The following HMCN1 variants were observed in gnomAD, a reference collection of about 807,000 sequenced individuals.
HMCN1 encodes hemicentin-1.
HMCN1 carries 321 observed loss-of-function variants against 625.9 expected under a neutral mutation model. The observed-to-expected ratio is 0.51, with a 90% CI of 0.47 to 0.56. The LOEUF is 0.56. Among genes scored for constraint, HMCN1 ranks in the 20% least tolerant of loss-of-function variants. The pLI, the probability that HMCN1 is intolerant of heterozygous loss-of-function variation, is 0.00. For missense variants in HMCN1, 6,588 were observed against 6,887.3 expected (o/e 0.96, Z 1.54); for synonymous variants, 2,425 against 2,417.6 (o/e 1.00, Z -0.09).
chr1:185,920,857 A>G (rs1212180576), intron 6 of HMCN1, among the ~76,000 whole-genome samples: 3 of 152,196 alleles, frequency 2.0e-5, no homozygotes, highest in Non-Finnish European at 4.4e-5. Context: ...CTGAGGAGCA[A>G]GGCAACTAAC....
At chr1:185,860,700 T>C (rs896716319) in intron 2 of HMCN1, among the ~76,000 whole-genome samples, 30 of 152,162 alleles carry the variant, frequency 2.0e-4, no homozygotes, top group African/African-American at 7.2e-4. Context: ...AAATAATTCA[T>C]TTTAGAGTAT....
At chr1:186,130,442 C>A in intron 84 of HMCN1, 65 bp from the exon 85 acceptor site, 1 of 1,510,696 alleles carries the variant, frequency 6.6e-7, no homozygotes, top group Non-Finnish European at 9.2e-7. Flanking sequence ...CCAAATAGGT[C>A]AAAGATCACA....
chr1:185,830,752 G>A (rs1335693163), intron 1 of HMCN1, among the ~76,000 whole-genome samples: 2 of 152,054 alleles, frequency 1.3e-5, no homozygotes, highest in East Asian at 1.9e-4. Context: ...GCCAGGCGTG[G>A]TGGTGTGTGC....
intron 69 of HMCN1, among the ~76,000 whole-genome samples, chr1:186,104,922 G>C (rs944235077): frequency 3.3e-5 from 5 of 152,164 alleles, no homozygotes; most frequent in African/African-American, 1.2e-4. Flanking sequence ...GTGACATTAG[G>C]AATAGCATGG....
At chr1:185,838,528 G>A (rs975164695) in intron 1 of HMCN1, among the ~76,000 whole-genome samples, 14 of 152,180 alleles carry the variant, frequency 9.2e-5, no homozygotes, top group Admixed American at 3.9e-4. Flanking sequence ...CTACTGAGTT[G>A]GGCCTGGGCA....
rs375772455 is a variant in HMCN1, at chr1:186,074,781, G to A, written c.8180G>A (p.Gly2727Glu). 1.6e-5 allele frequency: 25 copies of A among 1,612,864 alleles called. No individual in the cohort carries two copies. In the African/African-American group the frequency reaches 3.1e-4, roughly 20 times the overall value. Reference protein sequence around the residue: ...SDDHVNIAANGHTLQIKEAQI... With the variant: ...SDDHVNIAANEHTLQIKEAQI... The stretch of plus-strand genomic sequence containing the variant: ...GATCATGTTAATATTGCTGCGAATG[G>A]ACACACACTTCAAATAAAGGAGGCT... The change falls in exon 53 of 107, where the codon GGA becomes GAA. Residue 2727 changes from glycine to glutamate, a missense_variant. Gly to Glu is a moderately conservative substitution (Grantham distance 98, BLOSUM62 -2). Coordinates refer to ENST00000271588, the MANE Select transcript of HMCN1 (RefSeq NM_031935.3).
chr1:185,887,913 C>T (rs1392254979), intron 4 of HMCN1, among the ~76,000 whole-genome samples: 2 of 143,800 alleles, frequency 1.4e-5, no homozygotes, highest in African/African-American at 2.6e-5. Flanking sequence ...AACTAGTTTA[C>T]AGTCCCAGCA....
Position 186,093,642 on chromosome 1 carries a change from G to A in HMCN1, c.10169G>A (p.Arg3390Gln), listed in dbSNP as rs369620574. ...CCTCTGCCTCTCTCCTCCCATATCC[G>A]GTTACTGGCAGCAGGACAAGTTATC... ...GLPLPLSSHI[R>Q]LLAAGQVIRI... The change falls in exon 66 of 107, where the codon CGG becomes CAG. Residue 3390 changes from arginine to glutamine, a missense_variant. By Grantham distance (43) the Arg-to-Gln change is conservative. Transcript: ENST00000271588. The A allele has an allele frequency of 6.0e-5, 97 of 1,613,146 alleles. No homozygotes were observed. Among genetic ancestry groups the A allele is most frequent in the Non-Finnish European group, 7.8e-5 (92 of 1,179,536 alleles).
intron 2 of HMCN1, among the ~76,000 whole-genome samples, chr1:185,850,683 A>T (rs568446856): frequency 6.6e-6 from 1 of 152,234 alleles, no homozygotes; most frequent in South Asian, 2.1e-4. Flanking sequence ...TGTTCAGAAA[A>T]ATAATTTTTC....
At chr1:186,004,981 G>T (rs768177947) in intron 29 of HMCN1, among the ~76,000 whole-genome samples, 2 of 151,980 alleles carry the variant, frequency 1.3e-5, no homozygotes, top group Non-Finnish European at 2.9e-5. Context: ...CTGTTATAGA[G>T]TGAAAGAAAA....
chr1:186,084,578 T>A (rs1659362243), intron 57 of HMCN1, among the ~76,000 whole-genome samples: 1 of 152,132 alleles, frequency 6.6e-6, no homozygotes, highest in South Asian at 2.1e-4. Flanking sequence ...TCTTTTGTAC[T>A]CCTTCAGTCT....
chr1:186,064,946 A>G (rs1658010536), intron 48 of HMCN1, among the ~76,000 whole-genome samples: 1 of 152,134 alleles, frequency 6.6e-6, no homozygotes, highest in Non-Finnish European at 1.5e-5. Flanking sequence ...AAAATAGTAT[A>G]AATTTAGTTA....
rs2102380001 is a variant in HMCN1, at chr1:186,081,244, T to C, written c.8637T>C (p.Pro2879=). 6.2e-7 allele frequency: 1 copy of C among 1,613,844 alleles called. No homozygotes were observed. Among genetic ancestry groups the C allele is most frequent in the South Asian group, 1.1e-5 (1 of 91,078 alleles). The change falls in exon 56 of 107, where the codon CCT becomes CCC. Residue 2879 remains proline (P), a synonymous_variant. Coordinates refer to ENST00000271588, the MANE Select transcript of HMCN1 (RefSeq NM_031935.3). The part of the protein sequence containing the change: ...PIIKGANSDL[P]EEVTVLVNKS... Reference sequence around the variant, plus strand: ...TCAAGGGAGCAAATAGTGATCTCCCTGAAGAGGTCACCGTGCTGGTGAACA... The same window carrying C: ...TCAAGGGAGCAAATAGTGATCTCCCCGAAGAGGTCACCGTGCTGGTGAACA...
Position 185,923,508 on chromosome 1 carries a change from C to T in HMCN1, c.1140C>T (p.Tyr380=). ...TTAAGACTATTCCTGTTAAATATTA[C>T]CCACATCGAAAACCTTATGGCATAT... The part of the protein sequence containing the change: ...SSLKTIPVKY[Y]PHRKPYGIWN... Residue 380 remains tyrosine, a synonymous_variant, in exon 8 of 107, where the codon TAC becomes TAT. Coordinates refer to ENST00000271588, the MANE Select transcript of HMCN1 (RefSeq NM_031935.3). 6.2e-7 allele frequency: 1 copy of T among 1,612,104 alleles called. No homozygotes were observed. Among genetic ancestry groups the T allele is most frequent in the Middle Eastern group, 1.7e-4 (1 of 6,056 alleles).
chr1:186,102,552 T>C (rs1660430846), intron 68 of HMCN1, among the ~76,000 whole-genome samples: 1 of 152,154 alleles, frequency 6.6e-6, no homozygotes, highest in Non-Finnish European at 1.5e-5. Flanking sequence ...ATCCCCATTT[T>C]AGAGATTTGC....
At chr1:185,880,072 G>A (rs958742406) in intron 4 of HMCN1, among the ~76,000 whole-genome samples, 1 of 152,146 alleles carries the variant, frequency 6.6e-6, no homozygotes, top group Non-Finnish European at 1.5e-5. Context: ...AAGATATATG[G>A]GGTGCAGGAT....
At chr1:186,043,516 AATAT>A (rs1229330985) in intron 40 of HMCN1, among the ~76,000 whole-genome samples, 1 of 152,194 alleles carries the variant, frequency 6.6e-6, no homozygotes, top group African/African-American at 2.4e-5. Flanking sequence ...ACTGAAGGAA[AATAT>A]ATTTGGAAAT....
At chr1:186,133,671 A>G (rs1008429226) in intron 86 of HMCN1, among the ~76,000 whole-genome samples, 1 of 152,178 alleles carries the variant, frequency 6.6e-6, no homozygotes, top group Non-Finnish European at 1.5e-5. Context: ...TTGCCAAACT[A>G]TATAATTCTG....
chr1:185,870,456 C>T (rs886275009), intron 4 of HMCN1, among the ~76,000 whole-genome samples: 7 of 152,172 alleles, frequency 4.6e-5, no homozygotes, highest in African/African-American at 1.7e-4. Context: ...TCCGCCAACT[C>T]ATATCCTGTA....
Sources: gnomAD v4.1 joint callset for allele counts (sites outside exome capture counted in the v4.1 genomes callset) on GRCh38, gnomAD v4.1.1 for gene constraint, MANE v1.5 for transcripts, NCBI Gene and HGNC (gene_info 2026-07-23, HGNC 2026-07-21) for gene names.